PTPRD: variants seen among roughly 807,000 people sequenced by gnomAD.
PTPRD encodes the protein protein tyrosine phosphatase receptor type D, also known as receptor-type tyrosine-protein phosphatase delta.
PTPRD carries 34 observed loss-of-function variants against 214.5 expected under a neutral mutation model. The ratio of observed to expected loss-of-function variants is 0.16; its 90% CI spans 0.12 to 0.21. PTPRD has a LOEUF of 0.21. Among genes scored for constraint, PTPRD ranks in the 10% least tolerant of loss-of-function variants. The pLI is 1.00. For missense variants in PTPRD, 2,545 were observed against 2,398.7 expected (o/e 1.06, Z -1.27); for synonymous variants, 1,128 against 845.7 (o/e 1.33, Z -5.79).
chr9:9,009,990 C>T (rs1177825339), intron 11 of PTPRD, among the ~76,000 whole-genome samples: 1 of 152,018 alleles, frequency 6.6e-6, no homozygotes, highest in Non-Finnish European at 1.5e-5. Flanking sequence ...TTTAAAGGGA[C>T]TTGGAGTTAC....
intron 11 of PTPRD, among the ~76,000 whole-genome samples, chr9:8,811,727 A>G (rs1342051921): frequency 1.3e-5 from 2 of 152,222 alleles, no homozygotes; most frequent in Non-Finnish European, 2.9e-5. Flanking sequence ...CTAGAAAAGT[A>G]TCTTTGCCCC....
At chr9:8,606,094 C>T (rs927401346) in intron 14 of PTPRD, among the ~76,000 whole-genome samples, 4 of 152,046 alleles carry the variant, frequency 2.6e-5, no homozygotes, top group East Asian at 1.9e-4. Context: ...GATCTACATA[C>T]AATTGTGGAC....
At chr9:9,500,464 A>G (rs561761281) in intron 8 of PTPRD, among the ~76,000 whole-genome samples, 2 of 152,194 alleles carry the variant, frequency 1.3e-5, no homozygotes, top group South Asian at 4.1e-4. Flanking sequence ...AGTGCCACTG[A>G]GTTGAGACTA....
At chr9:8,495,243 T>C (rs1023861724) in intron 26 of PTPRD, among the ~76,000 whole-genome samples, 5 of 152,244 alleles carry the variant, frequency 3.3e-5, no homozygotes, top group Non-Finnish European at 5.9e-5. Flanking sequence ...AGACTCCCCC[T>C]CCTTACTTCC....
chr9:10,231,989 A>AGAGAGTGTGTGTGTGTGT (rs1245284728), intron 3 of PTPRD, among the ~76,000 whole-genome samples: 7 of 92,436 alleles, frequency 7.6e-5, no homozygotes, highest in Non-Finnish European at 1.2e-4. Flanking sequence ...AGAGAGAGAG[A>AGAGAGTGTGTGTGTGTGT]GTGTGTGTGT....
intron 3 of PTPRD, among the ~76,000 whole-genome samples, chr9:10,114,938 T>C (rs1342151113): frequency 2.0e-5 from 3 of 151,784 alleles, no homozygotes; most frequent in African/African-American, 7.3e-5. Context: ...AGTGGTCTGC[T>C]ATTACCACTG....
intron 3 of PTPRD, among the ~76,000 whole-genome samples, chr9:10,338,060 C>T (rs976074214): frequency 6.6e-6 from 1 of 151,450 alleles, no homozygotes; most frequent in Admixed American, 6.6e-5. Context: ...TAAGTTTATT[C>T]ATATCATATG....
At chr9:8,521,974 T>A (rs902977748) in intron 19 of PTPRD, among the ~76,000 whole-genome samples, 4 of 152,194 alleles carry the variant, frequency 2.6e-5, no homozygotes, top group African/African-American at 4.8e-5. Flanking sequence ...CCAACTTCAG[T>A]GCTGTGCACT....
intron 2 of PTPRD, among the ~76,000 whole-genome samples, chr9:10,491,533 CA>C (rs541840086): frequency 3.3e-5 from 5 of 149,654 alleles, no homozygotes; most frequent in Admixed American, 1.3e-4. Flanking sequence ...ACAAGATGAA[CA>C]AAAAAAACCC....
At chr9:9,896,588 C>T (rs2075038959) in intron 5 of PTPRD, among the ~76,000 whole-genome samples, 1 of 151,934 alleles carries the variant, frequency 6.6e-6, no homozygotes, top group Admixed American at 6.6e-5. Context: ...ATCATCAGAA[C>T]ATTTATATTT....
chr9:8,708,692 A>C (rs964862503), intron 12 of PTPRD, among the ~76,000 whole-genome samples: 7 of 147,550 alleles, frequency 4.7e-5, no homozygotes, highest in African/African-American at 1.7e-4. Context: ...AAAAAAAAAA[A>C]AAAAAAAAAA....
chr9:10,156,898 G>C (rs1286565487), intron 3 of PTPRD, among the ~76,000 whole-genome samples: 1 of 152,068 alleles, frequency 6.6e-6, no homozygotes, highest in African/African-American at 2.4e-5. Context: ...ACCCTTCTTT[G>C]TCTTTTTTCT....
At chr9:9,355,150 T>A (rs61522863) in intron 9 of PTPRD, among the ~76,000 whole-genome samples, 1,643 of 151,872 alleles carry the variant, frequency 0.011, 22 homozygotes, top group African/African-American at 0.037. Flanking sequence ...ATCACCACAA[T>A]CCAGGTAATA....
chr9:8,568,744 T>C (rs2090192204), intron 14 of PTPRD, among the ~76,000 whole-genome samples: 2 of 152,114 alleles, frequency 1.3e-5, no homozygotes, highest in Non-Finnish European at 2.9e-5. Flanking sequence ...CTGAGTTTTC[T>C]GCAAGTATTT....
chr9:9,098,009 T>A (rs1035148521), intron 10 of PTPRD, among the ~76,000 whole-genome samples: 2 of 152,092 alleles, frequency 1.3e-5, no homozygotes, highest in East Asian at 3.9e-4. Flanking sequence ...GTCAAGGGAT[T>A]TTGTTTATTA....
chr9:9,374,786 T>A (rs947543627), intron 9 of PTPRD, among the ~76,000 whole-genome samples: 1 of 152,136 alleles, frequency 6.6e-6, no homozygotes, highest in Non-Finnish European at 1.5e-5. Flanking sequence ...TTGTCTTACA[T>A]TGGGCAAGGT....
In PTPRD at chr9:9,720,092, C is replaced by T. The variant is rs559966131; in HGVS notation, c.-287+14441G>A. On this transcript the variant is annotated intron_variant, in intron 7 of 45. Transcript: ENST00000381196. ...GAGTGGGTGAAACTAGCCCAGCAGG[C>T]ATGAGCAAAACTCAAGCAGAGGTGC... is the stretch of plus-strand genomic sequence containing the variant. Among the ~76,000 whole-genome samples, 18 of 152,298 alleles carry T rather than the reference C, an allele frequency of 1.2e-4. No homozygotes were observed. The East Asian group carries it at 2.9e-3, about 25-fold the overall frequency.
intron 9 of PTPRD, among the ~76,000 whole-genome samples, chr9:9,391,597 T>A (rs569027758): frequency 3.3e-5 from 5 of 152,178 alleles, no homozygotes; most frequent in Non-Finnish European, 7.3e-5. Flanking sequence ...ATTCTGTACA[T>A]GTGAGTCCTC....
At chr9:8,445,582 C>T (rs1200692073) in intron 34 of PTPRD, among the ~76,000 whole-genome samples, 1 of 152,106 alleles carries the variant, frequency 6.6e-6, no homozygotes, top group Non-Finnish European at 1.5e-5. Flanking sequence ...CATGTGAACA[C>T]ATCACTTAAG....
Sources: allele counts gnomAD v4.1 joint callset (sites outside exome capture counted in the v4.1 genomes callset), GRCh38; gene constraint gnomAD v4.1.1; transcripts MANE v1.5; gene names NCBI Gene and HGNC (gene_info 2026-07-23, HGNC 2026-07-21).